Variants in SDK1 observed in about 807,000 individuals in gnomAD.
The protein encoded by SDK1 is protein sidekick-1.
A neutral mutation model predicts 245.5 loss-of-function variants in SDK1; 157 were observed. The observed-to-expected ratio is 0.64, with a 90% confidence interval of 0.56 to 0.73. SDK1 has a LOEUF of 0.73. Among genes scored for constraint, SDK1 ranks in the 30% least tolerant of loss-of-function variants. The pLI, the probability that SDK1 is intolerant of heterozygous loss-of-function variation, is 0.00. For missense variants in SDK1, 3,583 were observed against 3,002.3 expected (o/e 1.19, Z -4.52); for synonymous variants, 1,647 against 1,278.5 (o/e 1.29, Z -6.15).
chr7:4,052,335 G>A (rs183797924), intron 19 of SDK1, among the ~76,000 whole-genome samples: 1 of 152,126 alleles, frequency 6.6e-6, no homozygotes, highest in Admixed American at 6.5e-5. Context: ...GAAAACGTTA[G>A]CTAATGAAGT....
intron 4 of SDK1, among the ~76,000 whole-genome samples, chr7:3,800,403 A>G (rs1047904610): frequency 7.4e-6 from 1 of 135,516 alleles, no homozygotes; most frequent in African/African-American, 2.9e-5. Flanking sequence ...ATTTATTGAG[A>G]CAGAGTCTCA....
chr7:4,240,021 C>G (rs571953240), intron 42 of SDK1, among the ~76,000 whole-genome samples: 2 of 152,196 alleles, frequency 1.3e-5, no homozygotes, highest in Non-Finnish European at 2.9e-5. Flanking sequence ...ATTCATCCTT[C>G]AAAGAAAGGA....
chr7:4,032,234 A>G (rs1787873150), intron 17 of SDK1, among the ~76,000 whole-genome samples: 1 of 152,210 alleles, frequency 6.6e-6, no homozygotes, highest in African/African-American at 2.4e-5. Flanking sequence ...ACAGTAGATC[A>G]TATTCAAGTG....
chr7:3,320,988 C>A (rs562453736), intron 1 of SDK1, among the ~76,000 whole-genome samples: 1 of 152,106 alleles, frequency 6.6e-6, no homozygotes, highest in African/African-American at 2.4e-5. Context: ...CAGACACAAT[C>A]GTGAAGCTCA....
intron 1 of SDK1, among the ~76,000 whole-genome samples, chr7:3,466,851 G>A (rs1035823222): frequency 6.6e-6 from 1 of 151,634 alleles, no homozygotes; most frequent in African/African-American, 2.4e-5. Context: ...TATTTACTGT[G>A]GATTTAAATT....
In SDK1 at chr7:4,062,907, C is replaced by G. The variant is rs1049143488; in HGVS notation, c.2912-4931C>G. On this transcript the variant is annotated intron_variant, in intron 19 of 44. Transcript: ENST00000404826. ...AAAGCATTTAATAAAATTTAACATC[C>G]CTTTATAATAAAAACTCTCAACAAA... is the stretch of plus-strand genomic sequence containing the variant. Among the ~76,000 whole-genome samples the G allele has an allele frequency of 1.2e-3, 178 of 152,116 alleles. 14 individuals carry two copies. Among genetic ancestry groups the G allele is most frequent in the East Asian group, 1.9e-4 (1 of 5,192 alleles).
chr7:3,665,729 T>C (rs1021919555), intron 4 of SDK1, among the ~76,000 whole-genome samples: 2 of 152,202 alleles, frequency 1.3e-5, no homozygotes, highest in Non-Finnish European at 2.9e-5. Flanking sequence ...CTCACGTGGA[T>C]CCTGCTGCCA....
In SDK1 at chr7:4,210,442, C is replaced by A. The variant is rs145526504; in HGVS notation, c.5539+280C>A. 4.5e-3 allele frequency among the ~76,000 whole-genome samples: 691 copies of A among 152,296 alleles called. 9 individuals carry two copies. Among genetic ancestry groups the A allele is most frequent in the African/African-American group, 0.016 (663 of 41,568 alleles). On this transcript the variant is annotated intron_variant, in intron 38 of 44. Coordinates refer to ENST00000404826, the MANE Select transcript of SDK1 (RefSeq NM_152744.4). The stretch of plus-strand genomic sequence containing the variant: ...CCCTCTGAAGCCGTGTCATATATGC[C>A]CTTGATCCTGTCTCTGTCACACTCA...
chr7:3,406,955 C>T (rs1389400899), intron 1 of SDK1, among the ~76,000 whole-genome samples: 1 of 146,296 alleles, frequency 6.8e-6, no homozygotes, highest in Non-Finnish European at 1.5e-5. Flanking sequence ...GTTTTAAACT[C>T]TTTGTAGACA....
intron 1 of SDK1, among the ~76,000 whole-genome samples, chr7:3,405,732 A>G (rs567971190): frequency 2.9e-4 from 44 of 151,974 alleles, no homozygotes; most frequent in East Asian, 1.7e-3. Flanking sequence ...ATTAATGGAC[A>G]CTAGTCATCT....
rs561556713 is a variant in SDK1 at position 3,388,218 on chromosome 7, T to C, written c.298+86334T>C. On this transcript the variant is annotated intron_variant, in intron 1 of 44. Coordinates refer to ENST00000404826, the MANE Select transcript of SDK1 (RefSeq NM_152744.4). ...TAAGGTTCACTGTTAAATTTCTATTTATAAATGCTGTGGATGTGTATATAT... is the reference window on the plus strand; with the variant it reads ...TAAGGTTCACTGTTAAATTTCTATTCATAAATGCTGTGGATGTGTATATAT... 9.4e-4 allele frequency among the ~76,000 whole-genome samples: 143 copies of C among 152,222 alleles called. 1 individual carries two copies. The highest frequency in any genetic ancestry group is 3.3e-3 in the African/African-American group (135 of 41,532).
chr7:3,529,140 G>C (rs544895727), intron 1 of SDK1, among the ~76,000 whole-genome samples: 75 of 152,274 alleles, frequency 4.9e-4, no homozygotes, highest in African/African-American at 1.7e-3. Context: ...TGAGGTGTTA[G>C]ACTAGAATTG....
chr7:4,154,905 A>G (rs950651562), intron 30 of SDK1, among the ~76,000 whole-genome samples: 12 of 151,936 alleles, frequency 7.9e-5, no homozygotes, highest in African/African-American at 2.9e-4. Context: ...TCCCTTTATC[A>G]TGGAGTCACC....
rs781503549 is a variant in SDK1, at chr7:4,161,867, G to A, written c.4800+11G>A. The stretch of plus-strand genomic sequence containing the variant: ...CTGATACAGTGGCAGGTAAGAGCGC[G>A]GGGAATCACGCGCGTTTTGTCAAAT... On this transcript the variant is annotated intron_variant, in intron 32 of 44. Transcript: ENST00000404826. 9.3e-6 allele frequency: 15 copies of A among 1,611,928 alleles called. No individual in the cohort carries two copies. Among genetic ancestry groups the A allele is most frequent in the Admixed American group, 5.0e-5 (3 of 60,004 alleles).
chr7:3,477,606 T>C (rs763698535), intron 1 of SDK1, among the ~76,000 whole-genome samples: 2 of 150,554 alleles, frequency 1.3e-5, no homozygotes, highest in African/African-American at 2.4e-5. Context: ...CCTCAAACTC[T>C]TGGGCTTAAG....
intron 18 of SDK1, among the ~76,000 whole-genome samples, chr7:4,051,084 G>A (rs1410014967): frequency 1.5e-5 from 2 of 137,380 alleles, no homozygotes; most frequent in East Asian, 4.1e-4. Context: ...GTTATATATA[G>A]TATACTATAT....
At chr7:3,694,112 G>A (rs1784508454) in intron 4 of SDK1, among the ~76,000 whole-genome samples, 1 of 152,160 alleles carries the variant, frequency 6.6e-6, no homozygotes, top group African/African-American at 2.4e-5. Context: ...CGATTGGAAG[G>A]CAAATTGTAA....
chr7:3,470,689 G>A (rs1284049712), intron 1 of SDK1, among the ~76,000 whole-genome samples: 2 of 152,110 alleles, frequency 1.3e-5, no homozygotes, highest in African/African-American at 4.8e-5. Flanking sequence ...ATGTTTACTT[G>A]AAAGGACACA....
At chr7:3,303,721 CTT>C (rs891634101) in intron 1 of SDK1, among the ~76,000 whole-genome samples, 4 of 152,142 alleles carry the variant, frequency 2.6e-5, no homozygotes, top group Admixed American at 1.3e-4. Context: ...TTTCTGTTCT[CTT>C]TGCTCTGTGA....
Sources: allele counts gnomAD v4.1 joint callset (sites outside exome capture counted in the v4.1 genomes callset), GRCh38; gene constraint gnomAD v4.1.1; transcripts MANE v1.5; gene names NCBI Gene and HGNC (gene_info 2026-07-23, HGNC 2026-07-21).